NTS: variants seen among roughly 807,000 people sequenced by gnomAD.
NTS encodes neurotensin, also known as neurotensin/neuromedin N.
A neutral mutation model predicts 19.5 loss-of-function variants in NTS; 20 were observed. That is an observed-to-expected ratio of 1.02 (90% CI 0.72 to 1.49). The LOEUF is 1.49. Ranked by LOEUF, NTS falls within the 40% of genes most tolerant of loss-of-function variation. The pLI, the probability that NTS is intolerant of heterozygous loss-of-function variation, is 0.00. For synonymous variants in NTS, 71 were observed against 63.3 expected (o/e 1.12, Z -0.58); for missense variants, 215 against 193.1 (o/e 1.11, Z -0.67).
Position 85,878,501 on chromosome 12 carries a change from T to G in NTS, c.292T>G (p.Leu98Val). ...KLPTALDGFS[L>V]EAMLTIYQLH... is the part of the protein sequence containing the mutation. ...TCCTACTGCTTTAGATGGCTTTAGC[T>G]TGGAAGCAATGTTGACAATATACCA... The change falls in exon 3 of 4, where the codon TTG becomes GTG. Residue 98 changes from leucine (L) to valine (V), a missense_variant. Transcript: ENST00000256010. The G allele has an allele frequency of 6.2e-7, 1 of 1,613,928 alleles. No homozygotes were observed. The highest frequency in any genetic ancestry group is 8.5e-7 in the Non-Finnish European group (1 of 1,179,918).
At chr12:85,882,103 C>A in intron 3 of NTS, 120 bp from the exon 4 acceptor site, 1 of 731,388 alleles carries the variant, frequency 1.4e-6, no homozygotes. Flanking sequence ...TCATGTATCT[C>A]GTATCTCACC....
At chr12:85,878,086 TG>T (rs751324453) in intron 2 of NTS, 3 of 268,338 alleles carry the variant, frequency 1.1e-5, no homozygotes, top group African/African-American at 2.2e-5. Context: ...TTAATTTCCT[TG>T]CTTTCTTACT....
chr12:85,878,698 G>A, intron 3 of NTS, 129 bp downstream of exon 3: 1 of 522,392 alleles, frequency 1.9e-6, no homozygotes, highest in Non-Finnish European at 3.1e-6. Context: ...AACAAGCCAT[G>A]TTTTGAAGTC....
intron 2 of NTS, 21 bp downstream of exon 2, chr12:85,876,722 A>T: frequency 2.2e-6 from 3 of 1,393,742 alleles, no homozygotes; most frequent in East Asian, 4.7e-5. Context: ...CTTTTCTTTA[A>T]CCCTGAGTTG....
At chr12:85,874,626 T>G (rs1881289833) in intron 1 of NTS, 150 bp downstream of exon 1, 2 of 526,516 alleles carry the variant, frequency 3.8e-6, no homozygotes, top group Non-Finnish European at 6.9e-6. Flanking sequence ...AGTATCTCTT[T>G]CTCTGCCTTT....
intron 3 of NTS, among the ~76,000 whole-genome samples, chr12:85,879,042 GTACATAAAA>G (rs1342188305): frequency 1.3e-4 from 18 of 134,724 alleles, no homozygotes; most frequent in Non-Finnish European, 2.2e-4. Flanking sequence ...ATATTTTTAT[GTACATAAAA>G]TATATTTTTA....
In NTS at chr12:85,874,479, A is replaced by G; in HGVS notation, c.73+3A>G. The stretch of plus-strand genomic sequence containing the variant: ...CAGCTCCTGGAGTCTGTGCTCAGGT[A>G]AGCAAAACAGAATTTCACAACTCCC... On this transcript the variant is annotated splice_donor_region_variant and intron_variant, in intron 1 of 3. Coordinates refer to ENST00000256010, the MANE Select transcript of NTS (RefSeq NM_006183.5). 6.2e-7 allele frequency: 1 copy of G among 1,606,516 alleles called. No homozygotes were observed. The highest frequency in any genetic ancestry group is 8.5e-7 in the Non-Finnish European group (1 of 1,173,224).
intron 3 of NTS, among the ~76,000 whole-genome samples, chr12:85,880,760 G>C (rs187524250): frequency 6.6e-6 from 1 of 152,090 alleles, no homozygotes; most frequent in Non-Finnish European, 1.5e-5. Flanking sequence ...AGACCATCCC[G>C]GCTAACACGG....
chr12:85,882,146 G>A (rs1881516111), intron 3 of NTS, 77 bp from the exon 4 acceptor site: 4 of 1,136,658 alleles, frequency 3.5e-6, no homozygotes, highest in Non-Finnish European at 1.3e-6. Context: ...CAGCAAATGA[G>A]ATAGAATGTA....
rs562921533 is a variant in NTS at position 85,878,795 on chromosome 12, T to A, written c.360+226T>A. Among the ~76,000 whole-genome samples, 85 of 152,124 alleles carry A rather than the reference T, an allele frequency of 5.6e-4. 1 individual carries two copies. The highest frequency in any genetic ancestry group is 2.0e-3 in the African/African-American group (84 of 41,526). ...TCTTCAATATTAAAAAGAGGATATATCTTAAGGCAGATTTGATCCACATGT... is the reference window on the plus strand; with the variant it reads ...TCTTCAATATTAAAAAGAGGATATAACTTAAGGCAGATTTGATCCACATGT... On this transcript the variant is annotated intron_variant, in intron 3 of 3. Coordinates refer to ENST00000256010, the MANE Select transcript of NTS (RefSeq NM_006183.5).
chr12:85,876,336 A>G (rs535046707), intron 1 of NTS, among the ~76,000 whole-genome samples: 18 of 152,082 alleles, frequency 1.2e-4, no homozygotes, highest in African/African-American at 4.3e-4. Context: ...TTGGTAAAAT[A>G]TGTGTTATAC....
At position 85,878,431 on chromosome 12, in the gene NTS, A is replaced by G; in HGVS notation, c.222A>G (p.Glu74=). 6.2e-7 allele frequency: 1 copy of G among 1,613,852 alleles called. No individual in the cohort carries two copies. The highest frequency in any genetic ancestry group is 8.5e-7 in the Non-Finnish European group (1 of 1,179,860). ...ATAATTTGAACAGCCCAGCTGAGGA[A>G]ACAGGAGAAGTTCATGAAGAGGAGC... ...LVNNLNSPAE[E]TGEVHEEELV... is the part of the protein sequence containing the mutation. The change falls in exon 3 of 4, where the codon GAA becomes GAG. Residue 74 remains glutamate, a synonymous_variant. Transcript: ENST00000256010.
chr12:85,874,425 C>T lies in NTS; in HGVS notation c.22C>T (p.Gln8Ter). The T allele has an allele frequency of 6.2e-7, 1 of 1,613,536 alleles. No homozygotes were observed. Among genetic ancestry groups the T allele is most frequent in the Non-Finnish European group, 8.5e-7 (1 of 1,179,540 alleles). MMAGMKI[Q>*]LVCMLLLAFS... ...AAAGATGATGGCAGGAATGAAAATC[C>T]AGCTTGTATGCATGCTACTCCTGGC... The change falls in exon 1 of 4, where the codon CAG becomes TAG. Residue 8 changes from glutamine to a stop codon, truncating the protein, a stop_gained. Coordinates refer to ENST00000256010, the MANE Select transcript of NTS (RefSeq NM_006183.5). LOFTEE classifies it high-confidence loss of function.
chr12:85,882,338 G>C lies in NTS; in HGVS notation c.476G>C (p.Arg159Thr), dbSNP rs1389883291. Residue 159 changes from arginine to threonine, a missense_variant, in exon 4 of 4, where the codon AGA (arginine) becomes ACA (threonine). Physicochemically the swap from Arg to Thr is moderately conservative, Grantham distance 71. Coordinates refer to ENST00000256010, the MANE Select transcript of NTS (RefSeq NM_006183.5). ...CAGCTGTATGAGAATAAACCCAGAA[G>C]ACCCTACATACTCAAAAGAGATTCT... Reference protein sequence around the residue: ...KRQLYENKPRRPYILKRDSYY... With the variant: ...KRQLYENKPRTPYILKRDSYY... 1 of 1,599,386 alleles carries C rather than the reference G, an allele frequency of 6.3e-7. No individual in the cohort carries two copies. The highest frequency in any genetic ancestry group is 8.5e-7 in the Non-Finnish European group (1 of 1,175,272).
chr12:85,875,099 T>C (rs957921442), intron 1 of NTS, among the ~76,000 whole-genome samples: 5 of 152,304 alleles, frequency 3.3e-5, no homozygotes, highest in African/African-American at 9.6e-5. Context: ...TGGCATTTTT[T>C]CCATGCCATT....
At position 85,878,549 on chromosome 12, in the gene NTS, A is replaced by G; in HGVS notation, c.340A>G (p.Arg114Gly). The change falls in exon 3 of 4, where the codon AGG (arginine) becomes GGG (glycine). Residue 114 changes from arginine to glycine, a missense_variant. Transcript: ENST00000256010. Reference sequence around the variant, plus strand: ...CCAGCTCCACAAAATCTGTCACAGCAGGGCTTTTCAACACTGGGAGGTATA... The same window carrying G: ...CCAGCTCCACAAAATCTGTCACAGCGGGGCTTTTCAACACTGGGAGGTATA... ...IYQLHKICHSRAFQHWELIQE... is the reference protein window; with the variant it reads ...IYQLHKICHSGAFQHWELIQE... The G allele has an allele frequency of 6.2e-7, 1 of 1,611,604 alleles. No individual in the cohort carries two copies. Among genetic ancestry groups the G allele is most frequent in the South Asian group, 1.1e-5 (1 of 90,726 alleles).
intron 1 of NTS, among the ~76,000 whole-genome samples, chr12:85,874,992 G>A (rs1463474082): frequency 1.3e-5 from 2 of 152,238 alleles, no homozygotes; most frequent in East Asian, 3.9e-4. Context: ...AGCATTATTT[G>A]TAGAAAATTA....
In NTS at chr12:85,882,332, C is replaced by T. The variant is rs1565771941; in HGVS notation, c.470C>T (p.Pro157Leu). ...ILKRQLYENK[P>L]RRPYILKRDS... ...AAACGGCAGCTGTATGAGAATAAAC[C>T]CAGAAGACCCTACATACTCAAAAGA... The change falls in exon 4 of 4, where the codon CCC (proline) becomes CTC (leucine). Residue 157 changes from proline (P) to leucine (L), a missense_variant. Pro to Leu is a moderately conservative substitution (Grantham distance 98, BLOSUM62 -3). Coordinates refer to ENST00000256010, the MANE Select transcript of NTS (RefSeq NM_006183.5). The T allele has an allele frequency of 7.5e-6, 12 of 1,603,286 alleles. No homozygotes were observed. The highest frequency in any genetic ancestry group is 2.2e-5 in the East Asian group (1 of 44,526).
At chr12:85,876,760 A>G (rs1881355065) in intron 2 of NTS, 59 bp downstream of exon 2, 5 of 879,016 alleles carry the variant, frequency 5.7e-6, no homozygotes, top group Non-Finnish European at 8.7e-6. Context: ...CATTATAAAC[A>G]TGGTATCCTT....
Sources: gnomAD v4.1 joint callset for allele counts (sites outside exome capture counted in the v4.1 genomes callset) on GRCh38, gnomAD v4.1.1 for gene constraint, MANE v1.5 for transcripts, NCBI Gene and HGNC (gene_info 2026-07-23, HGNC 2026-07-21) for gene names.